Variants in TMEM217B observed in about 807,000 individuals in gnomAD.
TMEM217B encodes transmembrane protein 217B, also known as putative transmembrane protein 217B.
chr6:37,216,255 T>G, the TMEM217B span, among the ~76,000 whole-genome samples: 1 of 152,036 alleles, frequency 6.6e-6, no homozygotes, highest in South Asian at 2.1e-4. Context: ...ATTTTGGTAG[T>G]TTTAGTAGAG....
chr6:37,252,252 G>A, the TMEM217B span, among the ~76,000 whole-genome samples: 4 of 152,138 alleles, frequency 2.6e-5, no homozygotes, highest in Non-Finnish European at 5.9e-5. Context: ...TCCATGACAT[G>A]TAACATAAAG....
chr6:37,248,197 T>C, the TMEM217B span, among the ~76,000 whole-genome samples: 2 of 152,214 alleles, frequency 1.3e-5, no homozygotes, highest in African/African-American at 4.8e-5. Context: ...TCACTTGTCA[T>C]GCTGCTTTAC....
the TMEM217B span, among the ~76,000 whole-genome samples, chr6:37,251,011 G>A: frequency 6.9e-6 from 1 of 144,736 alleles, no homozygotes; most frequent in East Asian, 2.0e-4. Context: ...GCTCCAAAGA[G>A]CTGCCTGACC....
the TMEM217B span, among the ~76,000 whole-genome samples, chr6:37,227,522 C>T: frequency 3.9e-5 from 6 of 152,198 alleles, no homozygotes; most frequent in Non-Finnish European, 7.3e-5. Flanking sequence ...TCTTGGCTCA[C>T]TGCAACCTCC....
chr6:37,241,654 C>G, the TMEM217B span, among the ~76,000 whole-genome samples: 1 of 152,118 alleles, frequency 6.6e-6, no homozygotes, highest in Non-Finnish European at 1.5e-5. Context: ...CAGAGGGATC[C>G]CCAGTGATAA....
the TMEM217B span, among the ~76,000 whole-genome samples, chr6:37,238,961 C>G: frequency 6.6e-6 from 1 of 151,906 alleles, no homozygotes; most frequent in Non-Finnish European, 1.5e-5. Context: ...GAAACCCTGT[C>G]TCTACTAAAA....
the TMEM217B span, among the ~76,000 whole-genome samples, chr6:37,239,696 T>C: frequency 6.6e-6 from 1 of 152,122 alleles, no homozygotes; most frequent in Non-Finnish European, 1.5e-5. Context: ...GTAGAATATG[T>C]TGCTGCCAAC....
chr6:37,229,351 T>TTTTG, the TMEM217B span, among the ~76,000 whole-genome samples: 10 of 136,428 alleles, frequency 7.3e-5, no homozygotes, highest in African/African-American at 2.5e-4. Context: ...TTTTTTTTTT[T>TTTTG]TTTTTTTTTG....
At chr6:37,218,235 T>A in the TMEM217B span, 1 of 1,317,634 alleles carries the variant, frequency 7.6e-7, no homozygotes, top group Non-Finnish European at 9.8e-7. Context: ...ACTGGCGCAA[T>A]CTCGGCTCAC....
At chr6:37,213,043 G>C in the TMEM217B span, 1 of 1,299,528 alleles carries the variant, frequency 7.7e-7, no homozygotes, top group Non-Finnish European at 1.1e-6. Flanking sequence ...GGCAGAGGTA[G>C]CCTTAGACAA....
chr6:37,243,039 C>T, the TMEM217B span, among the ~76,000 whole-genome samples: 3 of 152,086 alleles, frequency 2.0e-5, no homozygotes, highest in Non-Finnish European at 4.4e-5. Flanking sequence ...TGAATGGGAT[C>T]GCCATAACTT....
At chr6:37,244,461 C>T in the TMEM217B span, among the ~76,000 whole-genome samples, 5 of 152,238 alleles carry the variant, frequency 3.3e-5, no homozygotes, top group Non-Finnish European at 7.3e-5. Context: ...AATACAACTG[C>T]CTCCAATCCT....
the TMEM217B span, among the ~76,000 whole-genome samples, chr6:37,255,645 C>T: frequency 1.3e-5 from 2 of 150,620 alleles, no homozygotes; most frequent in Non-Finnish European, 2.9e-5. Context: ...GATCATGTCA[C>T]TGGACTCCAG....
the TMEM217B span, among the ~76,000 whole-genome samples, chr6:37,232,259 C>T: frequency 1.4e-4 from 21 of 152,274 alleles, no homozygotes; most frequent in African/African-American, 4.3e-4. Context: ...GCTGAAATAG[C>T]GAAAGTCAGG....
At chr6:37,248,585 C>T in the TMEM217B span, among the ~76,000 whole-genome samples, 1 of 152,208 alleles carries the variant, frequency 6.6e-6, no homozygotes, top group Admixed American at 6.5e-5. Flanking sequence ...TGAGGGTCCT[C>T]AGGCAAGCCT....
chr6:37,216,833 A>G, the TMEM217B span, among the ~76,000 whole-genome samples: 2 of 152,182 alleles, frequency 1.3e-5, no homozygotes, highest in African/African-American at 4.8e-5. Flanking sequence ...GGAACTAGCT[A>G]GTTTCTTTTG....
chr6:37,225,592 A>G, the TMEM217B span, among the ~76,000 whole-genome samples: 1 of 152,202 alleles, frequency 6.6e-6, no homozygotes, highest in Non-Finnish European at 1.5e-5. Flanking sequence ...CTCCCATCCA[A>G]CTAAAACAGA....
chr6:37,230,479 T>C, the TMEM217B span, among the ~76,000 whole-genome samples: 1 of 152,080 alleles, frequency 6.6e-6, no homozygotes, highest in African/African-American at 2.4e-5. Context: ...TTTAAAGAGG[T>C]AATTAAGTTA....
chr6:37,252,184 C>T, the TMEM217B span, among the ~76,000 whole-genome samples: 30 of 152,196 alleles, frequency 2.0e-4, no homozygotes, highest in Non-Finnish European at 2.4e-4. Context: ...TGAGCCACTG[C>T]GCCTGGCCTG....
Sources: gnomAD v4.1 joint callset for allele counts (sites outside exome capture counted in the v4.1 genomes callset) on GRCh38, gnomAD v4.1.1 for gene constraint, MANE v1.5 for transcripts, NCBI Gene and HGNC (gene_info 2026-07-23, HGNC 2026-07-21) for gene names.